Variants in PVT1 observed in about 807,000 individuals in gnomAD.
PVT1 encodes Pvt1 oncogene, also known as CXCR4/PVT1 fusion.
intron 2 of PVT1, among the ~76,000 whole-genome samples, chr8:127,800,042 T>C (rs915675748): frequency 6.6e-6 from 1 of 152,242 alleles, no homozygotes; most frequent in African/African-American, 2.4e-5. Flanking sequence ...TTCAGGTCAC[T>C]GTGCCTCCAT....
chr8:127,819,256 T>C (rs1814701747), intron 2 of PVT1, among the ~76,000 whole-genome samples: 1 of 152,212 alleles, frequency 6.6e-6, no homozygotes, highest in Admixed American at 6.5e-5. Context: ...GGGATCCAAG[T>C]GTGAGCCCCA....
At chr8:127,901,735 C>G (rs1312553214) in intron 3 of PVT1, among the ~76,000 whole-genome samples, 1 of 151,162 alleles carries the variant, frequency 6.6e-6, no homozygotes, top group African/African-American at 2.4e-5. Context: ...TAAACATAGA[C>G]AGTTTGAGAA....
intron 5 of PVT1, among the ~76,000 whole-genome samples, chr8:128,082,460 C>T (rs1563682698): frequency 6.6e-6 from 1 of 152,200 alleles, no homozygotes; most frequent in African/African-American, 2.4e-5. Flanking sequence ...GCAATGTTCC[C>T]ATCATGGGGT....
At position 127,972,921 on chromosome 8, in the gene PVT1, TAGAG is replaced by T. The variant is rs199733748; in HGVS notation, n.783-16234_783-16231del. 4.7e-3 allele frequency among the ~76,000 whole-genome samples: 709 copies of T among 152,218 alleles called. 5 individuals carry two copies. Among genetic ancestry groups the T allele is most frequent in the African/African-American group, 0.016 (661 of 41,528 alleles). ...AAAATTTTTGATTAAAACAAATTTT[TAGAG>T]AGAGAGTCTCATTCTGTCACACAGG... On this transcript the variant is annotated intron_variant and non_coding_transcript_variant, in intron 3 of 10. Transcript: ENST00000651587.
At chr8:127,867,236 G>C (rs895761999) in intron 2 of PVT1, among the ~76,000 whole-genome samples, 2 of 152,364 alleles carry the variant, frequency 1.3e-5, no homozygotes, top group South Asian at 2.1e-4. Context: ...AAGGAAGAAG[G>C]GGGAGGGGCA....
chr8:127,999,187 G>A (rs1321775002), intron 4 of PVT1: 2 of 152,130 alleles, frequency 1.3e-5, no homozygotes, highest in African/African-American at 4.8e-5. Context: ...CCAGGGTGAG[G>A]CTTATCCATT....
intron 5 of PVT1, among the ~76,000 whole-genome samples, chr8:128,077,747 C>G (rs1042238817): frequency 2.0e-5 from 3 of 152,134 alleles, no homozygotes; most frequent in African/African-American, 7.2e-5. Context: ...ATCTGGTTTG[C>G]ATTTTTGTAG....
At chr8:127,966,107 T>C (rs1242122385) in intron 3 of PVT1, among the ~76,000 whole-genome samples, 1 of 152,220 alleles carries the variant, frequency 6.6e-6, no homozygotes, top group Non-Finnish European at 1.5e-5. Context: ...TAAATGCTGG[T>C]GGATCAATGT....
intron 2 of PVT1, among the ~76,000 whole-genome samples, chr8:127,832,315 G>A (rs2129699826): frequency 6.6e-6 from 1 of 152,222 alleles, no homozygotes; most frequent in African/African-American, 2.4e-5. Flanking sequence ...GGTACCCATG[G>A]CAGGCATCAC....
chr8:127,859,787 A>G (rs903006224), intron 2 of PVT1, among the ~76,000 whole-genome samples: 1 of 152,002 alleles, frequency 6.6e-6, no homozygotes, highest in African/African-American at 2.4e-5. Context: ...CAATCGCCTT[A>G]TCTGTACCAT....
At chr8:127,894,241 G>T (rs988486526) in intron 3 of PVT1, among the ~76,000 whole-genome samples, 3 of 152,176 alleles carry the variant, frequency 2.0e-5, no homozygotes, top group African/African-American at 7.2e-5. Flanking sequence ...GGTGCCTGGA[G>T]CCTCTGATGG....
intron 2 of PVT1, among the ~76,000 whole-genome samples, chr8:127,821,767 G>C (rs142500647): frequency 1.3e-5 from 2 of 151,806 alleles, no homozygotes; most frequent in East Asian, 3.9e-4. Flanking sequence ...AGCTGAGATC[G>C]CACCACTGAA....
chr8:128,060,946 G>C (rs1813822890), intron 4 of PVT1, among the ~76,000 whole-genome samples: 1 of 119,394 alleles, frequency 8.4e-6, no homozygotes, highest in South Asian at 2.5e-4. Flanking sequence ...GTCTCTCTCT[G>C]TCACCCAGGC....
At chr8:127,919,300 C>T (rs1816028043) in intron 3 of PVT1, among the ~76,000 whole-genome samples, 1 of 152,206 alleles carries the variant, frequency 6.6e-6, no homozygotes, top group Non-Finnish European at 1.5e-5. Context: ...GGCATTCCTC[C>T]TTGATGTCAA....
intron 5 of PVT1, among the ~76,000 whole-genome samples, chr8:128,084,687 A>G (rs982349518): frequency 2.0e-5 from 3 of 152,252 alleles, no homozygotes; most frequent in African/African-American, 7.2e-5. Context: ...TATAGCTGAC[A>G]GAATTCTAAG....
chr8:127,884,869 C>T (rs1586421450), intron 2 of PVT1, among the ~76,000 whole-genome samples: 1 of 152,178 alleles, frequency 6.6e-6, no homozygotes, highest in East Asian at 1.9e-4. Flanking sequence ...GGTCAGGGAC[C>T]ACCACTTGAC....
chr8:128,083,179 G>T (rs1814210539), intron 5 of PVT1, among the ~76,000 whole-genome samples: 1 of 152,212 alleles, frequency 6.6e-6, no homozygotes, highest in South Asian at 2.1e-4. Context: ...ACTGTGTATT[G>T]ACTGTTGAAT....
At chr8:128,041,180 GTTT>G (rs1384402262) in intron 4 of PVT1, among the ~76,000 whole-genome samples, 1 of 148,068 alleles carries the variant, frequency 6.8e-6, no homozygotes, top group Non-Finnish European at 1.5e-5. Context: ...ATGTGTTTGT[GTTT>G]TGTGCTTGTG....
chr8:127,882,116 G>C (rs553214052), intron 2 of PVT1, among the ~76,000 whole-genome samples: 1 of 152,318 alleles, frequency 6.6e-6, no homozygotes, highest in African/African-American at 2.4e-5. Context: ...ACACGGTTGT[G>C]ACCACAGCAT....
Sources: allele counts gnomAD v4.1 joint callset (sites outside exome capture counted in the v4.1 genomes callset), GRCh38; gene constraint gnomAD v4.1.1; transcripts MANE v1.5; gene names NCBI Gene and HGNC (gene_info 2026-07-23, HGNC 2026-07-21).